Variants in SFXN5 observed in about 807,000 individuals in gnomAD.
The protein encoded by SFXN5 is sideroflexin-5.
SFXN5 carries 43 observed loss-of-function variants against 50.2 expected under a neutral mutation model. The ratio of observed to expected loss-of-function variants is 0.86; its 90% confidence interval spans 0.67 to 1.11. The LOEUF (loss-of-function observed/expected upper bound fraction) is 1.11. SFXN5 is among the 50% of genes least tolerant of loss of function. The pLI is 0.00. For synonymous variants in SFXN5, 203 were observed against 185.8 expected, an observed-to-expected ratio of 1.09 and a Z score of -0.75; for missense variants, 463 against 454.1, an observed-to-expected ratio of 1.02 and a Z score of -0.18.
At chr2:73,004,313 GCGCA>G (rs201152007) in intron 6 of SFXN5, among the ~76,000 whole-genome samples, 6,671 of 138,302 alleles carry the variant, frequency 0.048, 198 homozygotes, top group African/African-American at 0.078. Context: ...ATGAGTGCGC[GCGCA>G]CACACACACA....
chr2:73,045,347 T>C (rs1680183233), intron 2 of SFXN5, among the ~76,000 whole-genome samples: 2 of 152,006 alleles, frequency 1.3e-5, no homozygotes, highest in Admixed American at 6.6e-5. Flanking sequence ...CCCCCAGAAC[T>C]GATGGCCTCT....
chr2:73,059,528 C>A, intron 1 of SFXN5: 2 of 985,370 alleles, frequency 2.0e-6, no homozygotes, highest in East Asian at 1.1e-4. Flanking sequence ...CTGTTCCTTT[C>A]CCTTCCCAAT....
Position 72,960,087 on chromosome 2 carries a change from C to T in SFXN5, c.945+1044G>A, listed in dbSNP as rs890913120. The stretch of plus-strand genomic sequence containing the variant: ...CCACCCTGGCTGCTTGTCTTTGGAC[C>T]CCGCCAGGGTGGAGGCCTCACCCAC... On this transcript the variant is annotated intron_variant, in intron 13 of 13. Transcript: ENST00000272433. The surrounding 1 kb of genome is among the most constrained non-coding windows in gnomAD (Gnocchi z 6.1). 6.6e-6 allele frequency among the ~76,000 whole-genome samples: 1 copy of T among 152,024 alleles called. No individual in the cohort carries two copies. The highest frequency in any genetic ancestry group is 2.4e-5 in the African/African-American group (1 of 41,382).
chr2:72,976,316 C>T (rs1209759747), intron 10 of SFXN5, among the ~76,000 whole-genome samples: 1 of 151,906 alleles, frequency 6.6e-6, no homozygotes, highest in Non-Finnish European at 1.5e-5. Context: ...AACTGCCAAA[C>T]TTCTTGAAGA....
At chr2:73,031,399 T>G (rs1174269112) in intron 3 of SFXN5, among the ~76,000 whole-genome samples, 13 of 152,176 alleles carry the variant, frequency 8.5e-5, no homozygotes. Context: ...GGAGCCTGGG[T>G]CCCTGAATAA....
rs188284872 is a variant in SFXN5, at chr2:73,043,406, C to G, written c.172-2475G>C. ...TCCTGTACTATGGCAGCAGGAATAA[C>G]TGCCAACACAGGCAAACCAGAGAGG... On this transcript the variant is annotated intron_variant, in intron 2 of 13. Transcript: ENST00000272433. 9.9e-4 allele frequency among the ~76,000 whole-genome samples: 151 copies of G among 152,350 alleles called. 1 individual carries two copies. Among genetic ancestry groups the G allele is most frequent in the African/African-American group, 3.5e-3 (145 of 41,574 alleles).
Position 72,961,259 on chromosome 2 carries a change from G to A in SFXN5, c.828-11C>T. On this transcript the variant is annotated splice_polypyrimidine_tract_variant and intron_variant, in intron 12 of 13. Coordinates refer to ENST00000272433, the MANE Select transcript of SFXN5 (RefSeq NM_144579.3). The surrounding 1 kb of genome is among the most constrained non-coding windows in gnomAD (Gnocchi z 4.4). ...TGCAGGAGAGCCGTCCTGTGAGGGA[G>A]AGAGGAGGGAGCCCCATGAGACCCG... 6.6e-7 allele frequency: 1 copy of A among 1,507,532 alleles called. No individual in the cohort carries two copies. The highest frequency in any genetic ancestry group is 8.8e-7 in the Non-Finnish European group (1 of 1,135,768). 93.4% of individuals were successfully genotyped at this position (1,507,532 alleles called of 1,614,324 possible).
intron 3 of SFXN5, among the ~76,000 whole-genome samples, chr2:73,027,107 C>T (rs1265627182): frequency 1.3e-5 from 2 of 152,162 alleles, no homozygotes; most frequent in East Asian, 3.9e-4. Context: ...TCAGGCAGGC[C>T]CTTCAGGGGG....
At chr2:72,972,635 G>A (rs1196060402) in intron 10 of SFXN5, among the ~76,000 whole-genome samples, 4 of 152,272 alleles carry the variant, frequency 2.6e-5, no homozygotes, top group South Asian at 2.1e-4. Context: ...TGTTGACCCC[G>A]CCTGAACTCT....
chr2:72,969,051 G>A (rs946017439), intron 11 of SFXN5, among the ~76,000 whole-genome samples: 8 of 151,782 alleles, frequency 5.3e-5, no homozygotes, highest in Non-Finnish European at 7.4e-5. Flanking sequence ...CAGGTGATCC[G>A]CCCGCCTCAG....
chr2:73,043,511 C>T (rs375200375), intron 2 of SFXN5, among the ~76,000 whole-genome samples: 1 of 152,204 alleles, frequency 6.6e-6, no homozygotes, highest in African/African-American at 2.4e-5. Flanking sequence ...GTAAGCCAGG[C>T]CTGGCCCGAG....
chr2:72,947,299 A>G (rs1369523977), intron 13 of SFXN5, among the ~76,000 whole-genome samples: 1 of 152,240 alleles, frequency 6.6e-6, no homozygotes, highest in Non-Finnish European at 1.5e-5. Flanking sequence ...GGAATAGAAT[A>G]GGCACTGGAA....
intron 3 of SFXN5, among the ~76,000 whole-genome samples, chr2:73,026,918 G>A (rs1417381733): frequency 1.3e-5 from 2 of 151,998 alleles, no homozygotes; most frequent in East Asian, 3.9e-4. Flanking sequence ...TAGTAGAGAT[G>A]GAGTTCACCA....
At chr2:73,062,627 C>T (rs1682895044) in intron 1 of SFXN5, among the ~76,000 whole-genome samples, 1 of 152,206 alleles carries the variant, frequency 6.6e-6, no homozygotes, top group South Asian at 2.1e-4. Context: ...CTACAAACTC[C>T]TAATGAGCTA....
rs1277666918 is a variant in SFXN5, at chr2:72,968,581, C to A, written c.742-48G>T. 3.2e-6 allele frequency: 5 copies of A among 1,574,800 alleles called. No individual in the cohort carries two copies. In the South Asian group the frequency reaches 5.6e-5, roughly 18 times the overall value. The stretch of plus-strand genomic sequence containing the variant: ...GTGAGAGGGGCCTGACAGCTGGTGA[C>A]AGGACAGCACACCACCCAGAGCCCT... On this transcript the variant is annotated intron_variant, in intron 11 of 13. Coordinates refer to ENST00000272433, the MANE Select transcript of SFXN5 (RefSeq NM_144579.3).
At chr2:73,010,341 A>G (rs1448692338) in intron 6 of SFXN5, among the ~76,000 whole-genome samples, 1 of 152,192 alleles carries the variant, frequency 6.6e-6, no homozygotes, top group Admixed American at 6.5e-5. Flanking sequence ...CGGTTGGGAG[A>G]TATAGCCTAC....
At chr2:72,989,713 G>C (rs1325967292) in intron 9 of SFXN5, among the ~76,000 whole-genome samples, 1 of 152,176 alleles carries the variant, frequency 6.6e-6, no homozygotes, top group African/African-American at 2.4e-5. Context: ...CTAGGCAGAG[G>C]AAAAGGACTT....
intron 10 of SFXN5, among the ~76,000 whole-genome samples, chr2:72,985,488 T>C (rs1477344881): frequency 6.9e-6 from 1 of 145,796 alleles, no homozygotes; most frequent in Non-Finnish European, 1.5e-5. Flanking sequence ...TGTGTCAGCA[T>C]GGACTAGGGC....
intron 6 of SFXN5, among the ~76,000 whole-genome samples, chr2:73,005,855 G>A (rs574297693): frequency 6.6e-6 from 1 of 151,652 alleles, no homozygotes; most frequent in Admixed American, 6.6e-5. Context: ...TATTGGCCAG[G>A]GAAAGATCTC....
Sources: allele counts gnomAD v4.1 joint callset (sites outside exome capture counted in the v4.1 genomes callset), GRCh38; gene constraint gnomAD v4.1.1; non-coding constraint Gnocchi (gnomAD v3.1); transcripts MANE v1.5; gene names NCBI Gene and HGNC (gene_info 2026-07-23, HGNC 2026-07-21).